The following KLF12 variants were observed in gnomAD, a reference collection of about 807,000 sequenced individuals.
KLF12 encodes KLF transcription factor 12, also known as Krueppel-like factor 12.
KLF12 carries 9 observed loss-of-function variants against 37.8 expected under a neutral mutation model. That is an observed-to-expected ratio of 0.24 (90% CI 0.14 to 0.42). The LOEUF (loss-of-function observed/expected upper bound fraction) is 0.42, where lower values mean the gene tolerates loss of function less well. KLF12 is among the 10% of genes least tolerant of loss of function. KLF12 has a pLI of 1.00. For missense variants in KLF12, 411 were observed against 516.0 expected (o/e 0.80, Z 1.97); for synonymous variants, 208 against 202.1 (o/e 1.03, Z -0.25).
chr13:73,991,856 G>C (rs1034886476), intron 2 of KLF12, among the ~76,000 whole-genome samples: 2 of 152,216 alleles, frequency 1.3e-5, no homozygotes, highest in East Asian at 1.9e-4. Context: ...CCTGTGCGAA[G>C]AAAGAGCCTT....
the KLF12 span, among the ~76,000 whole-genome samples, chr13:74,138,949 T>C: frequency 3.9e-5 from 6 of 152,132 alleles, no homozygotes; most frequent in Admixed American, 1.3e-4. Context: ...TAAAAACGAT[T>C]CCTGCATACC....
intron 1 of KLF12, among the ~76,000 whole-genome samples, chr13:74,108,162 T>C (rs7322278): frequency 0.015 from 2,208 of 152,268 alleles, 54 homozygotes; most frequent in African/African-American, 0.048. Flanking sequence ...TTTTAACATA[T>C]GTCCCTCATC....
At chr13:73,786,764 A>G (rs1197616790) in intron 5 of KLF12, among the ~76,000 whole-genome samples, 1 of 151,356 alleles carries the variant, frequency 6.6e-6, no homozygotes, top group African/African-American at 2.4e-5. Flanking sequence ...ATACAAAAAA[A>G]AAAAAAAAAA....
rs552327273 is a variant in KLF12 at position 74,058,849 on chromosome 13, C to T, written c.-31-63796G>A. ...GGTACACATGTGCAGGACTGTTACA[C>T]GGATATATTGCATAATGCTGGGGTT... On this transcript the variant is annotated intron_variant, in intron 1 of 7. Coordinates refer to ENST00000377669, the MANE Select transcript of KLF12 (RefSeq NM_007249.5). 1.6e-4 allele frequency among the ~76,000 whole-genome samples: 25 copies of T among 152,220 alleles called. No homozygotes were observed. In the East Asian group the frequency reaches 2.7e-3, roughly 16 times the overall value.
At chr13:73,905,536 T>A (rs903370643) in intron 3 of KLF12, among the ~76,000 whole-genome samples, 14 of 151,794 alleles carry the variant, frequency 9.2e-5, no homozygotes, top group Admixed American at 5.9e-4. Flanking sequence ...ATTTACGTTT[T>A]AAAAAAAATC....
At chr13:74,151,225 G>A in the KLF12 span, among the ~76,000 whole-genome samples, 4 of 152,144 alleles carry the variant, frequency 2.6e-5, no homozygotes, top group Admixed American at 1.3e-4. Context: ...TCTTGAGATA[G>A]GATGAAGAAA....
chr13:74,029,056 G>A (rs1593842028), intron 1 of KLF12, among the ~76,000 whole-genome samples: 1 of 151,910 alleles, frequency 6.6e-6, no homozygotes, highest in African/African-American at 2.4e-5. Context: ...TTTGGTAACC[G>A]TTTATTTTAT....
At chr13:73,804,857 C>A (rs1328673427) in intron 5 of KLF12, among the ~76,000 whole-genome samples, 2 of 152,190 alleles carry the variant, frequency 1.3e-5, no homozygotes, top group African/African-American at 4.8e-5. Context: ...GTGTCCCAAA[C>A]CTACTAGTCT....
chr13:74,177,178 A>G, the KLF12 span, among the ~76,000 whole-genome samples: 1 of 152,208 alleles, frequency 6.6e-6, no homozygotes. Flanking sequence ...GGAAGGTACA[A>G]AACATGAAAA....
intron 5 of KLF12, among the ~76,000 whole-genome samples, chr13:73,795,094 T>C (rs933498183): frequency 2.0e-5 from 3 of 152,214 alleles, no homozygotes; most frequent in Non-Finnish European, 2.9e-5. Context: ...AAGAAAGTTT[T>C]CATGATTTTT....
chr13:74,016,156 G>C (rs1223564127), intron 1 of KLF12, among the ~76,000 whole-genome samples: 1 of 151,638 alleles, frequency 6.6e-6, no homozygotes, highest in Non-Finnish European at 1.5e-5. Flanking sequence ...AAGAAAAATG[G>C]ACCAAAAACA....
At chr13:73,726,599 G>C (rs1003101132) in intron 6 of KLF12, among the ~76,000 whole-genome samples, 12 of 152,172 alleles carry the variant, frequency 7.9e-5, no homozygotes, top group African/African-American at 2.9e-4. Flanking sequence ...ATTGTAGCAT[G>C]CATCAATACT....
chr13:73,835,066 C>CTT (rs57370625), intron 4 of KLF12, among the ~76,000 whole-genome samples: 31,615 of 142,692 alleles, frequency 0.22, 3,762 homozygotes, highest in East Asian at 0.49. Context: ...GAAGTTAAAC[C>CTT]TTTTTTTTTT....
chr13:74,137,842 C>A (rs1282941995), upstream of KLF12, among the ~76,000 whole-genome samples: 2 of 152,142 alleles, frequency 1.3e-5, no homozygotes, highest in Non-Finnish European at 2.9e-5. Flanking sequence ...CTCACTGCAA[C>A]CTCCGCCTCC....
At chr13:73,945,461 C>T (rs914332879) in intron 2 of KLF12, among the ~76,000 whole-genome samples, 10 of 149,994 alleles carry the variant, frequency 6.7e-5, no homozygotes, top group African/African-American at 2.4e-4. Flanking sequence ...AAGAGTGAAA[C>T]TCCATCTCAA....
At chr13:74,160,780 A>AC in the KLF12 span, among the ~76,000 whole-genome samples, 1 of 152,196 alleles carries the variant, frequency 6.6e-6, no homozygotes, top group African/African-American at 2.4e-5. Context: ...TGGGTAGCTG[A>AC]CCCAGAGTAC....
chr13:74,235,005 T>C, the KLF12 span, among the ~76,000 whole-genome samples: 2 of 152,176 alleles, frequency 1.3e-5, no homozygotes, highest in Admixed American at 6.6e-5. Context: ...ATTTTTATCT[T>C]AAAATGTGAC....
rs187381579 is a variant in KLF12 at position 74,071,968 on chromosome 13, C to T, written c.-32+61771G>A. 2.2e-3 allele frequency among the ~76,000 whole-genome samples: 330 copies of T among 152,108 alleles called. 2 individuals are homozygous for T. The highest frequency in any genetic ancestry group is 3.9e-3 in the Non-Finnish European group (262 of 67,984). On this transcript the variant is annotated intron_variant, in intron 1 of 7. Transcript: ENST00000377669. ...AATAGCATCTTCTAAATTTTCCTCC[C>T]CAACCCCCCCACCTGAACAACTGGA...
intron 5 of KLF12, among the ~76,000 whole-genome samples, chr13:73,798,834 A>C (rs1882133569): frequency 6.6e-6 from 1 of 152,212 alleles, no homozygotes; most frequent in East Asian, 1.9e-4. Flanking sequence ...TGGCTCAACC[A>C]TTGTGGAAAG....
Sources: allele counts gnomAD v4.1 joint callset (sites outside exome capture counted in the v4.1 genomes callset), GRCh38; gene constraint gnomAD v4.1.1; transcripts MANE v1.5; gene names NCBI Gene and HGNC (gene_info 2026-07-23, HGNC 2026-07-21).